The following PLLP variants were observed in gnomAD, a reference collection of about 807,000 sequenced individuals.
PLLP encodes the protein plasmolipin.
PLLP carries 15 observed loss-of-function variants against 19.7 expected under a neutral mutation model. That is an observed-to-expected ratio of 0.76 (90% CI 0.51 to 1.17). The LOEUF is 1.17. Ranked by LOEUF, PLLP falls within the 50% of genes most tolerant of loss-of-function variation. The pLI, the probability that PLLP is intolerant of heterozygous loss-of-function variation, is 0.00. For missense variants in PLLP, 255 were observed against 258.3 expected (o/e 0.99, Z 0.09); for synonymous variants, 111 against 116.3 (o/e 0.95, Z 0.29).
At chr16:57,267,087 A>G (rs1597961369) in intron 1 of PLLP, among the ~76,000 whole-genome samples, 1 of 151,936 alleles carries the variant, frequency 6.6e-6, no homozygotes, top group Non-Finnish European at 1.5e-5. Flanking sequence ...CTGCAGTGAA[A>G]CCCTGTTATT....
At chr16:57,282,455 C>T (rs1295355939) in intron 1 of PLLP, among the ~76,000 whole-genome samples, 2 of 151,784 alleles carry the variant, frequency 1.3e-5, no homozygotes, top group Non-Finnish European at 2.9e-5. Flanking sequence ...AATATGTTGC[C>T]CAGGCTGGTC....
At chr16:57,280,997 G>C (rs1476243733) in intron 1 of PLLP, among the ~76,000 whole-genome samples, 1 of 152,206 alleles carries the variant, frequency 6.6e-6, no homozygotes, top group African/African-American at 2.4e-5. Flanking sequence ...GAAACAGAAG[G>C]GTTTGATGGA....
chr16:57,261,877 GT>G lies in PLLP; in HGVS notation c.309+19del. The G allele has an allele frequency of 6.2e-7, 1 of 1,611,678 alleles. No homozygotes were observed. The highest frequency in any genetic ancestry group is 8.5e-7 in the Non-Finnish European group (1 of 1,177,896). On this transcript the variant is annotated intron_variant, in intron 2 of 3. Transcript: ENST00000219207. ...AGTGGTCCTGTCATAGCCACTTCCA[GT>G]ACCCCCACCCAGACTCACCACCAGT...
rs373771031 is a variant in PLLP at position 57,262,029 on chromosome 16, C to A, written c.177G>T (p.Pro59=). The A allele has an allele frequency of 9.3e-6, 15 of 1,614,192 alleles. No homozygotes were observed. Among genetic ancestry groups the A allele is most frequent in the Non-Finnish European group, 1.3e-5 (15 of 1,180,022 alleles). The part of the protein sequence containing the change: ...LLVWALIADT[P]YHLYPAYGWV... ...AGCCATAGGCCGGATACAGGTGGTA[C>A]GGGGTGTCCGCAATCAGCGCCCACA... Residue 59 remains proline (P), a synonymous_variant, in exon 2 of 4, where the codon CCG becomes CCT. Coordinates refer to ENST00000219207, the MANE Select transcript of PLLP (RefSeq NM_015993.3).
At chr16:57,258,611 G>C (rs1464454932) in intron 2 of PLLP, 27 bp from the exon 3 acceptor site, 1 of 1,609,998 alleles carries the variant, frequency 6.2e-7, no homozygotes, top group Admixed American at 1.7e-5. Context: ...TAGGGAGTGG[G>C]GAGAGAAAAG....
intron 1 of PLLP, among the ~76,000 whole-genome samples, chr16:57,274,799 T>C (rs952561218): frequency 6.6e-6 from 1 of 151,414 alleles, no homozygotes; most frequent in Non-Finnish European, 1.5e-5. Flanking sequence ...TCTTGCTCTG[T>C]CACCCAGGCT....
chr16:57,274,443 A>G (rs1272490069), intron 1 of PLLP, among the ~76,000 whole-genome samples: 1 of 152,202 alleles, frequency 6.6e-6, no homozygotes. Context: ...GGCAACCAAG[A>G]GTGTGGTTTT....
At chr16:57,281,831 G>T (rs1168777193) in intron 1 of PLLP, among the ~76,000 whole-genome samples, 1 of 152,042 alleles carries the variant, frequency 6.6e-6, no homozygotes, top group African/African-American at 2.4e-5. Context: ...GATTTCTAAG[G>T]CACTAAAATG....
At position 57,284,369 on chromosome 16, in the gene PLLP, C is replaced by T. The variant is rs1320733909; in HGVS notation, c.135+37G>A. ...TCACCCATCCTGGCCGGACCGGGAG[C>T]CCCCGGCCAACCCCGTGGGCCCGCG... On this transcript the variant is annotated intron_variant, in intron 1 of 3. Coordinates refer to ENST00000219207, the MANE Select transcript of PLLP (RefSeq NM_015993.3). 7 of 1,332,876 alleles carry T rather than the reference C, an allele frequency of 5.3e-6. No individual in the cohort carries two copies. In the East Asian group the frequency reaches 1.6e-4, roughly 30 times the overall value. The allele number at this position is 1,332,876 out of a possible 1,614,324, so 82.6% of individuals were successfully genotyped here.
chr16:57,280,738 C>T (rs9921996), intron 1 of PLLP, among the ~76,000 whole-genome samples: 76,991 of 152,098 alleles, frequency 0.51, 19,928 homozygotes, highest in South Asian at 0.7. Context: ...AAAGATACAT[C>T]GCTTTAACTC....
chr16:57,273,274 T>TG (rs1276036640), intron 1 of PLLP, among the ~76,000 whole-genome samples: 7 of 147,882 alleles, frequency 4.7e-5, no homozygotes, highest in East Asian at 3.9e-4. Flanking sequence ...AAAAAAAAGT[T>TG]GGGGGGGCAA....
chr16:57,263,352 C>T (rs2075447638), intron 1 of PLLP: 1 of 152,294 alleles, frequency 6.6e-6, no homozygotes, highest in Admixed American at 6.5e-5. Flanking sequence ...AACTCTGGAG[C>T]CCAGCTGTCT....
chr16:57,266,134 CTT>C (rs1158967157), intron 1 of PLLP, among the ~76,000 whole-genome samples: 1 of 152,186 alleles, frequency 6.6e-6, no homozygotes, highest in Non-Finnish European at 1.5e-5. Flanking sequence ...AATGAGGACA[CTT>C]CAGCTGGCTC....
chr16:57,282,232 T>C (rs1316456271), intron 1 of PLLP, among the ~76,000 whole-genome samples: 2 of 144,820 alleles, frequency 1.4e-5, no homozygotes, highest in African/African-American at 2.6e-5. Flanking sequence ...TCTTTTCTTT[T>C]TTTTTTTTTG....
intron 1 of PLLP, 145 bp downstream of exon 1, chr16:57,284,261 G>C (rs1901254302): frequency 1.4e-6 from 1 of 718,590 alleles, no homozygotes. Flanking sequence ...GCGCCCTAGG[G>C]GTACGCGCAG....
intron 1 of PLLP, among the ~76,000 whole-genome samples, chr16:57,267,423 C>T (rs1412560946): frequency 2.6e-5 from 4 of 151,922 alleles, no homozygotes; most frequent in East Asian, 1.9e-4. Context: ...AAAAATTAGC[C>T]GGGCATGGTG....
At chr16:57,283,056 C>T (rs1901238463) in intron 1 of PLLP, among the ~76,000 whole-genome samples, 1 of 152,128 alleles carries the variant, frequency 6.6e-6, no homozygotes, top group African/African-American at 2.4e-5. Flanking sequence ...ATTCCAGGAA[C>T]TAGACCTCTT....
At chr16:57,280,795 T>C (rs1567533560) in intron 1 of PLLP, among the ~76,000 whole-genome samples, 1 of 152,236 alleles carries the variant, frequency 6.6e-6, no homozygotes, top group Non-Finnish European at 1.5e-5. Context: ...GTGTTCTTTC[T>C]GAATCTACAA....
At chr16:57,281,794 A>G (rs1451405684) in intron 1 of PLLP, among the ~76,000 whole-genome samples, 1 of 151,998 alleles carries the variant, frequency 6.6e-6, no homozygotes, top group Non-Finnish European at 1.5e-5. Context: ...TACAGGCGTG[A>G]GCCACCACAC....
Sources: gnomAD v4.1 joint callset for allele counts (sites outside exome capture counted in the v4.1 genomes callset) on GRCh38, gnomAD v4.1.1 for gene constraint, MANE v1.5 for transcripts, NCBI Gene and HGNC (gene_info 2026-07-23, HGNC 2026-07-21) for gene names.